MKLN1: variants seen among roughly 807,000 people sequenced by gnomAD.
MKLN1 encodes the protein muskelin.
A neutral mutation model predicts 99.0 loss-of-function variants in MKLN1; 18 were observed. That is an observed-to-expected ratio of 0.18 (90% CI 0.13 to 0.27). The LOEUF is 0.27. Ranked by LOEUF, MKLN1 falls within the 10% of genes least tolerant of loss-of-function variation. The pLI is 1.00. For synonymous variants in MKLN1, 288 were observed against 293.2 expected, an observed-to-expected ratio of 0.98 and a Z score of 0.18; for missense variants, 621 against 875.9, an observed-to-expected ratio of 0.71 and a Z score of 3.67.
intron 1 of MKLN1, among the ~76,000 whole-genome samples, chr7:131,141,539 C>T (rs975906279): frequency 1.3e-5 from 2 of 152,216 alleles, no homozygotes; most frequent in Non-Finnish European, 2.9e-5. Flanking sequence ...CCTTTCCAGT[C>T]TCATCTCTGA....
chr7:131,123,863 T>C (rs1307915356), intron 1 of MKLN1, among the ~76,000 whole-genome samples: 1 of 152,066 alleles, frequency 6.6e-6, no homozygotes, highest in Admixed American at 6.5e-5. Context: ...GGATAGATAA[T>C]TCATAAGTAG....
At chr7:131,387,005 C>T (rs944287360) in intron 2 of MKLN1, 115 bp from the exon 3 acceptor site, 1 of 925,186 alleles carries the variant, frequency 1.1e-6, no homozygotes, top group East Asian at 2.7e-5. Flanking sequence ...TCTGCTAGTA[C>T]AGGATGGACA....
At chr7:131,392,794 G>A (rs13221530) in intron 4 of MKLN1, among the ~76,000 whole-genome samples, 5 of 151,870 alleles carry the variant, frequency 3.3e-5, no homozygotes, top group African/African-American at 1.2e-4. Context: ...TAGTAGAGAC[G>A]GGGTTTCTCC....
intron 3 of MKLN1, among the ~76,000 whole-genome samples, chr7:131,205,652 C>T (rs984108868): frequency 6.6e-6 from 1 of 152,104 alleles, no homozygotes; most frequent in African/African-American, 2.4e-5. Context: ...CGGGGGAAGA[C>T]TCTGCTTCCA....
intron 2 of MKLN1, among the ~76,000 whole-genome samples, chr7:131,380,101 G>C (rs937636774): frequency 1.3e-5 from 2 of 152,132 alleles, no homozygotes; most frequent in African/African-American, 2.4e-5. Context: ...AAGAGTGAGC[G>C]TGAACCAGAA....
intron 16 of MKLN1, among the ~76,000 whole-genome samples, chr7:131,474,086 G>T (rs951114932): frequency 6.6e-6 from 1 of 152,160 alleles, no homozygotes; most frequent in Non-Finnish European, 1.5e-5. Flanking sequence ...GGAGGTGGAG[G>T]TTGCAGTGAG....
At chr7:131,187,988 G>GT (rs1356261348) in intron 2 of MKLN1, among the ~76,000 whole-genome samples, 1 of 151,986 alleles carries the variant, frequency 6.6e-6, no homozygotes, top group Non-Finnish European at 1.5e-5. Context: ...GTGTTTGCCA[G>GT]TCCTCACTCT....
At position 131,375,669 on chromosome 7, in the gene MKLN1, A is replaced by T. The variant is rs559132924; in HGVS notation, c.168+176A>T. On this transcript the variant is annotated intron_variant, in intron 2 of 17. Transcript: ENST00000352689. The stretch of plus-strand genomic sequence containing the variant: ...TAAATTTTGGAAGAATTTTTATCTC[A>T]TAGGCAAATGCAGTGTGAGATTTGA... 4.6e-5 allele frequency among the ~76,000 whole-genome samples: 7 copies of T among 152,192 alleles called. No homozygotes were observed. In the East Asian group the frequency reaches 1.2e-3, roughly 25 times the overall value.
upstream of MKLN1, chr7:131,327,579 G>A (rs1798920652): frequency 3.4e-6 from 1 of 295,692 alleles, no homozygotes; most frequent in South Asian, 7.1e-5. Context: ...TAACTACAAC[G>A]TGTTTCTGTT....
intron 3 of MKLN1, among the ~76,000 whole-genome samples, chr7:131,217,443 A>T (rs1324430714): frequency 1.3e-5 from 2 of 152,228 alleles, no homozygotes; most frequent in Non-Finnish European, 2.9e-5. Flanking sequence ...CACGCCTGTA[A>T]TCCCAACAGT....
chr7:131,173,160 C>T (rs889798206), intron 2 of MKLN1, among the ~76,000 whole-genome samples: 16 of 151,996 alleles, frequency 1.1e-4, no homozygotes, highest in African/African-American at 3.9e-4. Flanking sequence ...CACACACACA[C>T]ACACACATTC....
At chr7:131,274,297 C>T (rs1243528217) in intron 3 of MKLN1, among the ~76,000 whole-genome samples, 3 of 152,018 alleles carry the variant, frequency 2.0e-5, no homozygotes, top group Non-Finnish European at 2.9e-5. Flanking sequence ...TCATCTTTGC[C>T]TTCCTTGTGT....
At chr7:131,346,127 T>A (rs1446072438) in intron 1 of MKLN1, among the ~76,000 whole-genome samples, 1 of 152,212 alleles carries the variant, frequency 6.6e-6, no homozygotes, top group African/African-American at 2.4e-5. Flanking sequence ...TAATATAAAC[T>A]TTTGACTGTA....
At chr7:131,360,191 T>A (rs1380472097) in intron 1 of MKLN1, among the ~76,000 whole-genome samples, 1 of 152,228 alleles carries the variant, frequency 6.6e-6, no homozygotes, top group Non-Finnish European at 1.5e-5. Flanking sequence ...TGTATCTTTA[T>A]GGGGGTTTCT....
At chr7:131,313,871 G>A (rs1442375836) in intron 3 of MKLN1, among the ~76,000 whole-genome samples, 1 of 152,222 alleles carries the variant, frequency 6.6e-6, no homozygotes, top group African/African-American at 2.4e-5. Flanking sequence ...GCAATTGAAG[G>A]CAGAGCATCT....
chr7:131,333,822 C>T (rs536460757), intron 1 of MKLN1, among the ~76,000 whole-genome samples: 1 of 152,270 alleles, frequency 6.6e-6, no homozygotes, highest in South Asian at 2.1e-4. Flanking sequence ...ACAGCCACCA[C>T]ACCCAGCCTG....
intron 2 of MKLN1, among the ~76,000 whole-genome samples, chr7:131,164,938 C>G (rs534806416): frequency 2.0e-5 from 3 of 152,110 alleles, no homozygotes; most frequent in Non-Finnish European, 4.4e-5. Flanking sequence ...CAACGATGAA[C>G]AAGACACGGA....
At chr7:131,444,817 T>TAGA (rs1451725288) in intron 11 of MKLN1, among the ~76,000 whole-genome samples, 249 of 111,366 alleles carry the variant, frequency 2.2e-3, no homozygotes, top group African/African-American at 7.5e-3. Flanking sequence ...GTAGTAGTAG[T>TAGA]AGTAGAAGTG....
chr7:131,308,152 T>C (rs1798496476), intron 3 of MKLN1, among the ~76,000 whole-genome samples: 1 of 152,218 alleles, frequency 6.6e-6, no homozygotes. Context: ...AGGTACTTGC[T>C]TCTCCTTTGC....
Sources: allele counts gnomAD v4.1 joint callset (sites outside exome capture counted in the v4.1 genomes callset), GRCh38; gene constraint gnomAD v4.1.1; transcripts MANE v1.5; gene names NCBI Gene and HGNC (gene_info 2026-07-23, HGNC 2026-07-21).